Variants in ELAVL3 observed in about 807,000 individuals in gnomAD.
The protein encoded by ELAVL3 is ELAV like RNA binding protein 3.
In ELAVL3, 8 loss-of-function variants were observed where a neutral mutation model predicts 34.2. The ratio of observed to expected loss-of-function variants is 0.23; its 90% confidence interval spans 0.14 to 0.42. The LOEUF (loss-of-function observed/expected upper bound fraction) is 0.42, where lower values mean the gene tolerates loss of function less well. Among genes scored for constraint, ELAVL3 ranks in the 10% least tolerant of loss-of-function variants. The pLI is 1.00. For missense variants in ELAVL3, 273 were observed against 518.8 expected (o/e 0.53, Z 4.60); for synonymous variants, 209 against 222.1 (o/e 0.94, Z 0.53).
Position 11,452,718 on chromosome 19 carries a change from A to C in ELAVL3, c.*1808T>G, listed in dbSNP as rs1428866392. On this transcript the variant is annotated 3_prime_UTR_variant, in exon 7 of 7. Coordinates refer to ENST00000359227, the MANE Select transcript of ELAVL3 (RefSeq NM_001420.4). ...AACGTGGGGACACCGGGGGAAGGCA[A>C]CTTAACTATAGCTAAAGTCGGGGGT... The C allele has an allele frequency of 6.6e-6, 1 of 151,922 alleles. No homozygotes were observed. Among genetic ancestry groups the C allele is most frequent in the East Asian group, 1.9e-4 (1 of 5,178 alleles). 9.4% of individuals were successfully genotyped at this position (151,922 alleles called of 1,614,324 possible). A position where few individuals can be genotyped will look rare whatever the true frequency, so the allele number is the denominator to read the frequency against.
intron 1 of ELAVL3, among the ~76,000 whole-genome samples, chr19:11,476,618 G>C (rs1176868013): frequency 6.6e-6 from 1 of 152,122 alleles, no homozygotes; most frequent in Non-Finnish European, 1.5e-5. Context: ...AAGAATTCAG[G>C]CTGGGCTTGG....
intron 1 of ELAVL3, among the ~76,000 whole-genome samples, chr19:11,471,028 T>C (rs1452052845): frequency 6.6e-6 from 1 of 152,090 alleles, no homozygotes; most frequent in East Asian, 1.9e-4. Context: ...AAAAATTTTT[T>C]TGGGCTAGAC....
At chr19:11,469,026 C>T (rs1029101520) in intron 1 of ELAVL3, among the ~76,000 whole-genome samples, 1 of 152,106 alleles carries the variant, frequency 6.6e-6, no homozygotes, top group Non-Finnish European at 1.5e-5. Flanking sequence ...CTCCAGCAAT[C>T]CTCCCACGTC....
chr19:11,464,736 C>CCA (rs1970983129), intron 3 of ELAVL3, among the ~76,000 whole-genome samples: 1 of 118,978 alleles, frequency 8.4e-6, no homozygotes, highest in Non-Finnish European at 1.8e-5. Flanking sequence ...CACACACACA[C>CCA]CACACACATA....
In ELAVL3 at chr19:11,454,425, C is replaced by T; in HGVS notation, c.*101G>A. On this transcript the variant is annotated 3_prime_UTR_variant, in exon 7 of 7. Transcript: ENST00000359227. The surrounding 1 kb of genome is among the most constrained non-coding windows in gnomAD (Gnocchi z 9.2). ...GGCCCTCGCGTCGTCCGTGGGGCTG[C>T]CTGTGCTGTCTCTCTTGGGCCCCTT... is the stretch of plus-strand genomic sequence containing the variant. 8.4e-7 allele frequency: 1 copy of T among 1,194,082 alleles called. No individual in the cohort carries two copies. The highest frequency in any genetic ancestry group is 1.6e-5 in the South Asian group (1 of 63,552). 74.0% of individuals were successfully genotyped at this position (1,194,082 alleles called of 1,614,324 possible).
intron 1 of ELAVL3, among the ~76,000 whole-genome samples, chr19:11,470,475 G>A (rs1471476264): frequency 6.0e-5 from 9 of 149,228 alleles, no homozygotes; most frequent in Admixed American, 2.0e-4. Context: ...AGACCAGCCC[G>A]ACCAACATGG....
rs918142723 is a variant in ELAVL3, at chr19:11,459,289, A to AT, written c.334-679dup. On this transcript the variant is annotated intron_variant, in intron 3 of 6. Transcript: ENST00000359227. ...AGGCGCCCACCACCACGCCTAGCTAATTTTTTTTTTATTTTTTTGTATTTT... is the reference window on the plus strand; with the variant it reads ...AGGCGCCCACCACCACGCCTAGCTAATTTTTTTTTTTATTTTTTTGTATTTT... Among the ~76,000 whole-genome samples the AT allele has an allele frequency of 6.8e-4, 101 of 149,236 alleles. 1 individual carries two copies. In the East Asian group the frequency reaches 0.01, roughly 15 times the overall value.
chr19:11,454,433 GTC>G lies in ELAVL3; in HGVS notation c.*91_*92del, dbSNP rs1172540185. ...CGTCGTCCGTGGGGCTGCCTGTGCT[GTC>G]TCTCTTGGGCCCCTTCTCTCTCTCT... On this transcript the variant is annotated 3_prime_UTR_variant, in exon 7 of 7. Transcript: ENST00000359227. The surrounding 1 kb of genome is among the most constrained non-coding windows in gnomAD (Gnocchi z 9.2). The G allele has an allele frequency of 1.6e-6, 2 of 1,255,686 alleles. No individual in the cohort carries two copies. The highest frequency in any genetic ancestry group is 2.6e-5 in the East Asian group (1 of 39,070). The allele number at this position is 1,255,686 out of a possible 1,614,324, so 77.8% of individuals were successfully genotyped here.
chr19:11,465,984 T>C (rs1309908588), intron 3 of ELAVL3, among the ~76,000 whole-genome samples, 188 bp downstream of exon 3: 1 of 151,400 alleles, frequency 6.6e-6, no homozygotes, highest in Non-Finnish European at 1.5e-5. Flanking sequence ...GAAACTGAGG[T>C]TTAGAGAGGG....
chr19:11,478,603 G>T (rs188328790), intron 1 of ELAVL3, among the ~76,000 whole-genome samples: 1 of 152,068 alleles, frequency 6.6e-6, no homozygotes, highest in Non-Finnish European at 1.5e-5. Flanking sequence ...AGTCTCCCCC[G>T]ACTTTTGGTT....
chr19:11,466,773 G>A lies in ELAVL3; in HGVS notation c.64C>T (p.Leu22=), dbSNP rs752687889. 3.1e-6 allele frequency: 5 copies of A among 1,613,954 alleles called. No individual in the cohort carries two copies. Among genetic ancestry groups the A allele is most frequent in the Non-Finnish European group, 4.2e-6 (5 of 1,179,932 alleles). ...QVGGGPAGPA[L]PNGPLLGTNG... Reference sequence around the variant, plus strand: ...GTACCAAGGAGTGGCCCGTTGGGCAGGGCCGGGCCGGCCGGGCCCCCCCCC... The same window carrying A: ...GTACCAAGGAGTGGCCCGTTGGGCAAGGCCGGGCCGGCCGGGCCCCCCCCC... Residue 22 remains leucine, a synonymous_variant, in exon 2 of 7, where the codon CTG becomes TTG. Transcript: ENST00000359227. The surrounding 1 kb of genome is among the most constrained non-coding windows in gnomAD (Gnocchi z 5.0).
At chr19:11,479,724 G>C (rs931360808) in intron 1 of ELAVL3, among the ~76,000 whole-genome samples, 4 of 151,772 alleles carry the variant, frequency 2.6e-5, no homozygotes, top group Admixed American at 1.3e-4. Context: ...CTGCGCGCTC[G>C]GGAGCTGACC....
chr19:11,480,743 A>G lies in ELAVL3; in HGVS notation c.-135T>C. On this transcript the variant is annotated 5_prime_UTR_variant, in exon 1 of 7. Transcript: ENST00000359227. The surrounding 1 kb of genome is among the most constrained non-coding windows in gnomAD (Gnocchi z 6.8). ...TGCGGCCGCTGCAGATGTGGCGATG[A>G]AGGCGGCGGCTCCCTCGAGGGCCAG... 1 of 848,238 alleles carries G rather than the reference A, an allele frequency of 1.2e-6. No homozygotes were observed. Among genetic ancestry groups the G allele is most frequent in the Non-Finnish European group, 1.6e-6 (1 of 608,190 alleles). 52.5% of individuals were successfully genotyped at this position (848,238 alleles called of 1,614,324 possible). A position where few individuals can be genotyped will look rare whatever the true frequency, so the allele number is the denominator to read the frequency against.
intron 3 of ELAVL3, among the ~76,000 whole-genome samples, chr19:11,462,804 A>T (rs1241884563): frequency 4.0e-5 from 6 of 151,294 alleles, no homozygotes; most frequent in African/African-American, 1.5e-4. Context: ...ACTAAAAAAA[A>T]TACAAAGATT....
At position 11,466,238 on chromosome 19, in the gene ELAVL3, G is replaced by A; in HGVS notation, c.267C>T (p.Asp89=). The A allele has an allele frequency of 6.8e-6, 11 of 1,613,814 alleles. No homozygotes were observed. Among genetic ancestry groups the A allele is most frequent in the Non-Finnish European group, 9.3e-6 (11 of 1,179,888 alleles). ...TGATGGCTTTGTCTGCATCATTGGG[G>A]TCAGAATAGTTCACAAACCCGTAGC... ...SLGYGFVNYS[D]PNDADKAINT... Residue 89 remains aspartate (D), a synonymous_variant, in exon 3 of 7, where the codon GAC becomes GAT. Transcript: ENST00000359227. The surrounding 1 kb of genome is among the most constrained non-coding windows in gnomAD (Gnocchi z 5.0).
rs777718315 is a variant in ELAVL3 at position 11,454,847 on chromosome 19, C to A, written c.783G>T (p.Pro261=). 13 of 1,604,162 alleles carry A rather than the reference C, an allele frequency of 8.1e-6. No individual in the cohort carries two copies. In the African/African-American group the frequency reaches 1.1e-4, roughly 13 times the overall value. The part of the protein sequence containing the change: ...SPLSLIARFS[P]IAIDGMSGLA... ...GGCCGCTCATACCATCGATGGCGATCGGCGAGAACCTGGCGATGAGCGACA... is the reference window on the plus strand; with the variant it reads ...GGCCGCTCATACCATCGATGGCGATAGGCGAGAACCTGGCGATGAGCGACA... Residue 261 remains proline (P), a synonymous_variant, in exon 7 of 7, where the codon CCG becomes CCT. Coordinates refer to ENST00000359227, the MANE Select transcript of ELAVL3 (RefSeq NM_001420.4). This position sits in a 1 kb window ranked among gnomAD's most constrained non-coding sequence, Gnocchi z 9.2.
intron 1 of ELAVL3, among the ~76,000 whole-genome samples, chr19:11,467,896 C>T (rs974026966): frequency 1.3e-5 from 2 of 151,998 alleles, no homozygotes; most frequent in African/African-American, 4.8e-5. Flanking sequence ...CTCAAGCAAT[C>T]CTCCCACCTC....
intron 1 of ELAVL3, among the ~76,000 whole-genome samples, chr19:11,471,603 A>G (rs1971165909): frequency 6.6e-6 from 1 of 150,758 alleles, no homozygotes; most frequent in South Asian, 2.1e-4. Context: ...ACAGAGAGAG[A>G]CTCTGTCTCA....
chr19:11,474,413 G>A (rs577214040), intron 1 of ELAVL3, among the ~76,000 whole-genome samples: 1 of 152,080 alleles, frequency 6.6e-6, no homozygotes, highest in Non-Finnish European at 1.5e-5. Context: ...TTGCCAACAT[G>A]GTGAAACCCT....
Sources: allele counts gnomAD v4.1 joint callset (sites outside exome capture counted in the v4.1 genomes callset), GRCh38; gene constraint gnomAD v4.1.1; non-coding constraint Gnocchi (gnomAD v3.1); transcripts MANE v1.5; gene names NCBI Gene and HGNC (gene_info 2026-07-23, HGNC 2026-07-21).